Variants in COL17A1 observed in about 807,000 individuals in gnomAD.
COL17A1 encodes collagen alpha-1(XVII) chain.
In COL17A1, 181 loss-of-function variants were observed where a neutral mutation model predicts 218.4. That is an observed-to-expected ratio of 0.83 (90% confidence interval 0.73 to 0.94). The LOEUF (loss-of-function observed/expected upper bound fraction) is 0.94. COL17A1 is among the 40% of genes least tolerant of loss of function. The pLI is 0.00. For missense variants in COL17A1, 1,924 were observed against 1,945.9 expected, an observed-to-expected ratio of 0.99 and a Z score of 0.21; for synonymous variants, 721 against 731.0, an observed-to-expected ratio of 0.99 and a Z score of 0.22.
At chr10:104,078,665 CA>C in intron 2 of COL17A1, 79 bp from the exon 3 acceptor site, 2 of 1,583,068 alleles carry the variant, frequency 1.3e-6, no homozygotes. Flanking sequence ...TAAGCTCTGT[CA>C]CAGGCTAAGC....
intron 15 of COL17A1, chr10:104,059,436 A>G: frequency 1.6e-6 from 1 of 619,740 alleles, no homozygotes. Context: ...AATGCAAATC[A>G]CCTAGGAAGC....
chr10:104,078,599 A>C lies in COL17A1; in HGVS notation c.53-13T>G. 1 of 1,614,138 alleles carries C rather than the reference A, an allele frequency of 6.2e-7. No individual in the cohort carries two copies. Among genetic ancestry groups the C allele is most frequent in the Non-Finnish European group, 8.5e-7 (1 of 1,180,010 alleles). ...GTTTCAGTGACAACTAGAAAAAGAC[A>C]AAGAAAAGATGAGTTCTTATGTAAT... On this transcript the variant is annotated splice_polypyrimidine_tract_variant and intron_variant, in intron 2 of 55. Transcript: ENST00000648076.
At position 104,050,629 on chromosome 10, in the gene COL17A1, C is replaced by T; in HGVS notation, c.2120G>A (p.Gly707Glu). The T allele has an allele frequency of 6.2e-7, 1 of 1,613,340 alleles. No individual in the cohort carries two copies. Among genetic ancestry groups the T allele is most frequent in the Non-Finnish European group, 8.5e-7 (1 of 1,180,024 alleles). Residue 707 changes from glycine (G) to glutamate (E), a missense_variant, in exon 27 of 56, where the codon GGA becomes GAA. Transcript: ENST00000648076. ...AGCAGTGAGTGGCATACCTTTGGGT[C>T]CTGGTGGTCCCATTGGTCCTTTGTC... is the stretch of plus-strand genomic sequence containing the variant. ...KGDKGPMGPP[G>E]PKGDQGEKGP...
chr10:104,034,850 G>A, intron 50 of COL17A1, 83 bp from the exon 51 acceptor site: 3 of 1,552,776 alleles, frequency 1.9e-6, no homozygotes, highest in Non-Finnish European at 1.7e-6. Context: ...GGCGCTGTGG[G>A]CCCCACCTGA....
At chr10:104,035,889 T>TGTGC (rs2086279706) in intron 48 of COL17A1, among the ~76,000 whole-genome samples, 1 of 145,730 alleles carries the variant, frequency 6.9e-6, no homozygotes, top group South Asian at 2.2e-4. Context: ...AGTACTGGAG[T>TGTGC]GTATGGGAGC....
rs1466717387 is a variant in COL17A1 at position 104,062,277 on chromosome 10, G to A, written c.891C>T (p.Gly297=). 9 of 1,614,214 alleles carry A rather than the reference G, an allele frequency of 5.6e-6. No homozygotes were observed. Among genetic ancestry groups the A allele is most frequent in the Non-Finnish European group, 6.8e-6 (8 of 1,180,040 alleles). ...LAPSLTTLSH[G]TTTTSTAYGV... The stretch of plus-strand genomic sequence containing the variant: ...ACTGACCTGTGGAAGTGGTGGTGGT[G>A]CCATGGGACAGGGTGGTCAAGCTGG... Residue 297 remains glycine (G), a synonymous_variant, in exon 12 of 56, where the codon GGC becomes GGT. Transcript: ENST00000648076.
At chr10:104,035,710 G>A (rs1240435872) in intron 48 of COL17A1, 147 bp from the exon 49 acceptor site, 5 of 675,346 alleles carry the variant, frequency 7.4e-6, no homozygotes, top group Admixed American at 2.8e-5. Flanking sequence ...GAGAGGAGGA[G>A]CCCAAAGGAG....
At position 104,077,468 on chromosome 10, in the gene COL17A1, C is replaced by T; in HGVS notation, c.156G>A (p.Leu52=). 1 of 1,613,542 alleles carries T rather than the reference C, an allele frequency of 6.2e-7. No individual in the cohort carries two copies. Among genetic ancestry groups the T allele is most frequent in the Non-Finnish European group, 8.5e-7 (1 of 1,179,894 alleles). Residue 52 remains leucine (L), a synonymous_variant, in exon 4 of 56, where the codon CTG becomes CTA. Coordinates refer to ENST00000648076, the MANE Select transcript of COL17A1 (RefSeq NM_000494.4). ...TGCCATGAGTCAGGCTTTGTTTCTC[C>T]AGCCGGCTCCCTCCACCAAGAGAGG... is the stretch of plus-strand genomic sequence containing the variant. ...KTASLGGGSR[L]EKQSLTHGSS...
chr10:104,044,974 G>A (rs987525528), intron 33 of COL17A1, among the ~76,000 whole-genome samples: 3 of 152,158 alleles, frequency 2.0e-5, no homozygotes, highest in African/African-American at 7.2e-5. Flanking sequence ...AATGATTTCT[G>A]GAAAGTGGTT....
rs1183379916 is a variant in COL17A1, at chr10:104,036,572, G to A, written c.3338C>T (p.Pro1113Leu). ...YLMGPRGPPG[P>L]PGASGDGSLL... Reference sequence around the variant, plus strand: ...GGACCCATCTCCACTGGCTCCTGGTGGCCCTGGCGGACCCCGAGGGCCCAT... The same window carrying A: ...GGACCCATCTCCACTGGCTCCTGGTAGCCCTGGCGGACCCCGAGGGCCCAT... The change falls in exon 48 of 56, where the codon CCA becomes CTA. Residue 1113 changes from proline to leucine, a missense_variant. Transcript: ENST00000648076. 1.2e-6 allele frequency: 2 copies of A among 1,613,978 alleles called. No individual in the cohort carries two copies. Among genetic ancestry groups the A allele is most frequent in the East Asian group, 4.5e-5 (2 of 44,878 alleles).
At chr10:104,066,966 G>A (rs190796007) in intron 9 of COL17A1, among the ~76,000 whole-genome samples, 4 of 152,256 alleles carry the variant, frequency 2.6e-5, no homozygotes, top group African/African-American at 7.2e-5. Flanking sequence ...AAATCTCCTC[G>A]GTGTAGCAAA....
At chr10:104,058,106 A>G in intron 16 of COL17A1, 40 bp downstream of exon 16, 2 of 1,613,526 alleles carry the variant, frequency 1.2e-6, no homozygotes, top group Non-Finnish European at 1.7e-6. Context: ...AAGCAGCCCC[A>G]CTGGATCCTG....
At position 104,034,322 on chromosome 10, in the gene COL17A1, C is replaced by T. The variant is rs759888854; in HGVS notation, c.3779G>A (p.Arg1260His). The T allele has an allele frequency of 4.8e-5, 75 of 1,560,078 alleles. No individual in the cohort carries two copies. The highest frequency in any genetic ancestry group is 5.5e-5 in the Non-Finnish European group (64 of 1,159,038). ...GCCTGGGGGGCCAACAATGAAGCTG[C>T]GCACATCAGGACCTGCAGGGTGAGA... ...LISYLTSPDV[R>H]SFIVGPPGPP... Residue 1260 changes from arginine (R) to histidine (H), a missense_variant, in exon 52 of 56, where the codon CGC becomes CAC. Physicochemically the swap from Arg to His is conservative, Grantham distance 29. Transcript: ENST00000648076.
In COL17A1 at chr10:104,074,237, G is replaced by A; in HGVS notation, c.332-6C>T. On this transcript the variant is annotated splice_region_variant and splice_polypyrimidine_tract_variant and intron_variant, in intron 5 of 55. Coordinates refer to ENST00000648076, the MANE Select transcript of COL17A1 (RefSeq NM_000494.4). ...AGAGTTGCCACTGGAGCTCCCTGGA[G>A]AGGGGATGAAACACTTAGAACAAAT... 1 of 1,614,200 alleles carries A rather than the reference G, an allele frequency of 6.2e-7. No individual in the cohort carries two copies.
rs1053885402 is a variant in COL17A1, at chr10:104,035,330, A to C, written c.3552T>G (p.Gly1184=). ...RGIVGPPGPP[G]PPGIPGNVWS... is the part of the protein sequence containing the mutation. ...ACACATTGCCTGGGATCCCTGGTGG[A>C]CCCGGGGGACCTGGGGGTCCAACGA... The change falls in exon 50 of 56, where the codon GGT becomes GGG. Residue 1184 remains glycine (G), a synonymous_variant. Coordinates refer to ENST00000648076, the MANE Select transcript of COL17A1 (RefSeq NM_000494.4). 6.2e-7 allele frequency: 1 copy of C among 1,614,130 alleles called. No individual in the cohort carries two copies. The highest frequency in any genetic ancestry group is 1.3e-5 in the African/African-American group (1 of 75,054).
intron 9 of COL17A1, among the ~76,000 whole-genome samples, chr10:104,067,652 G>T (rs1030006756): frequency 3.9e-5 from 6 of 152,114 alleles, no homozygotes; most frequent in Admixed American, 3.9e-4. Context: ...CAAGGGAGCC[G>T]GCTGTGCAGC....
chr10:104,060,467 T>A (rs1162786007), intron 13 of COL17A1, among the ~76,000 whole-genome samples, 187 bp from the exon 14 acceptor site: 2 of 152,144 alleles, frequency 1.3e-5, no homozygotes. Context: ...AAGGACACCC[T>A]CTATGCCTGG....
At position 104,080,722 on chromosome 10, in the gene COL17A1, T is replaced by C. The variant is rs528688297; in HGVS notation, c.-11-38A>G. 5.6e-6 allele frequency: 9 copies of C among 1,608,040 alleles called. No homozygotes were observed. In the East Asian group the frequency reaches 1.1e-4, roughly 20 times the overall value. On this transcript the variant is annotated intron_variant, in intron 1 of 55. Coordinates refer to ENST00000648076, the MANE Select transcript of COL17A1 (RefSeq NM_000494.4). ...TCAGAAACCATGATAGTCATACTTA[T>C]CATTGTTTTTAGTAATTATAGGTCC...
At position 104,042,559 on chromosome 10, in the gene COL17A1, G is replaced by A; in HGVS notation, c.2516-104C>T. On this transcript the variant is annotated intron_variant, in intron 35 of 55. Coordinates refer to ENST00000648076, the MANE Select transcript of COL17A1 (RefSeq NM_000494.4). Reference sequence around the variant, plus strand: ...AAGGCATGGAACAGAGACCCAAAGAGGCCACCTTGCTTATTTGAGAGCAAT... The same window carrying A: ...AAGGCATGGAACAGAGACCCAAAGAAGCCACCTTGCTTATTTGAGAGCAAT... 2.6e-6 allele frequency: 3 copies of A among 1,139,768 alleles called. No individual in the cohort carries two copies. The South Asian group carries it at 3.8e-5, about 14-fold the overall frequency. The allele number at this position is 1,139,768 out of a possible 1,614,324, so 70.6% of individuals were successfully genotyped here. A position where few individuals can be genotyped will look rare whatever the true frequency, so the allele number is the denominator to read the frequency against.
Sources: gnomAD v4.1 joint callset for allele counts (sites outside exome capture counted in the v4.1 genomes callset) on GRCh38, gnomAD v4.1.1 for gene constraint, MANE v1.5 for transcripts, NCBI Gene and HGNC (gene_info 2026-07-23, HGNC 2026-07-21) for gene names.